Variants in LRRC2 observed in about 807,000 individuals in gnomAD.
LRRC2 encodes leucine-rich repeat-containing protein 2.
LRRC2 carries 27 observed loss-of-function variants against 40.2 expected under a neutral mutation model. The ratio of observed to expected loss-of-function variants is 0.67; its 90% CI spans 0.49 to 0.93. LRRC2 has a LOEUF of 0.93. Ranked by LOEUF, LRRC2 falls within the 40% of genes least tolerant of loss-of-function variation. The pLI is 0.00. For missense variants in LRRC2, 402 were observed against 439.6 expected (o/e 0.91, Z 0.76); for synonymous variants, 147 against 158.9 (o/e 0.92, Z 0.56).
At chr3:46,557,234 C>T (rs1704825382) in intron 1 of LRRC2, among the ~76,000 whole-genome samples, 1 of 152,192 alleles carries the variant, frequency 6.6e-6, no homozygotes, top group African/African-American at 2.4e-5. Flanking sequence ...GATGACATTA[C>T]CTTGTGGAAG....
chr3:46,525,639 A>G (rs975044581), intron 7 of LRRC2, among the ~76,000 whole-genome samples: 1 of 152,122 alleles, frequency 6.6e-6, no homozygotes, highest in Non-Finnish European at 1.5e-5. Context: ...CCTTCCACAT[A>G]TACTGTCAAA....
intron 7 of LRRC2, among the ~76,000 whole-genome samples, chr3:46,527,142 G>A (rs1704073515): frequency 6.6e-6 from 1 of 152,218 alleles, no homozygotes; most frequent in African/African-American, 2.4e-5. Flanking sequence ...GCAGCGATGT[G>A]AGCACTGAGC....
chr3:46,551,997 C>T (rs1444485976), intron 1 of LRRC2, among the ~76,000 whole-genome samples: 1 of 152,030 alleles, frequency 6.6e-6, no homozygotes, highest in Non-Finnish European at 1.5e-5. Flanking sequence ...GACAGGGTCT[C>T]ACTCTATTGC....
intron 1 of LRRC2, among the ~76,000 whole-genome samples, chr3:46,556,609 C>T (rs1300101622): frequency 4.7e-5 from 6 of 126,448 alleles, no homozygotes; most frequent in Admixed American, 9.6e-5. Flanking sequence ...GACAGAGTCT[C>T]GCTCTGTCGC....
chr3:46,545,855 C>A (rs949103199), intron 2 of LRRC2, among the ~76,000 whole-genome samples: 1 of 152,234 alleles, frequency 6.6e-6, no homozygotes, highest in Non-Finnish European at 1.5e-5. Context: ...TGTCTCACAG[C>A]CCTTCAGATG....
At chr3:46,528,197 A>T (rs1216283847) in intron 6 of LRRC2, among the ~76,000 whole-genome samples, 1 of 152,186 alleles carries the variant, frequency 6.6e-6, no homozygotes, top group African/African-American at 2.4e-5. Flanking sequence ...CCGAGAGTCT[A>T]CTGCATTTAC....
intron 4 of LRRC2, 122 bp downstream of exon 4, chr3:46,538,923 G>A (rs1704324940): frequency 8.9e-6 from 10 of 1,118,754 alleles, no homozygotes; most frequent in Non-Finnish European, 1.3e-5. Flanking sequence ...AAACGGCCCT[G>A]CCCAACCACT....
At chr3:46,560,421 A>T (rs1399659970) in intron 1 of LRRC2, among the ~76,000 whole-genome samples, 4 of 152,246 alleles carry the variant, frequency 2.6e-5, no homozygotes. Context: ...ATAGAATGCA[A>T]TGTCCTAAGC....
chr3:46,538,484 T>C (rs1704312502), intron 4 of LRRC2, among the ~76,000 whole-genome samples: 1 of 150,066 alleles, frequency 6.7e-6, no homozygotes, highest in Admixed American at 6.6e-5. Context: ...AAAAAAAAAA[T>C]ACAAAATCAG....
chr3:46,543,570 C>G (rs1704445504), intron 3 of LRRC2, among the ~76,000 whole-genome samples: 1 of 151,514 alleles, frequency 6.6e-6, no homozygotes, highest in South Asian at 2.1e-4. Context: ...GAGCTGAGAT[C>G]GCACCACTGT....
intron 2 of LRRC2, among the ~76,000 whole-genome samples, chr3:46,547,393 T>A (rs1704548548): frequency 6.6e-6 from 1 of 151,862 alleles, no homozygotes; most frequent in Non-Finnish European, 1.5e-5. Context: ...AATTTAAAAA[T>A]ATTGCCAGGT....
At chr3:46,565,684 T>G (rs1457648281) in intron 1 of LRRC2, among the ~76,000 whole-genome samples, 3 of 152,116 alleles carry the variant, frequency 2.0e-5, no homozygotes, top group Admixed American at 6.5e-5. Context: ...CCAGTCACTT[T>G]CCGCCCTTGC....
At chr3:46,540,327 C>A (rs1704359106) in intron 3 of LRRC2, among the ~76,000 whole-genome samples, 1 of 152,118 alleles carries the variant, frequency 6.6e-6, no homozygotes, top group African/African-American at 2.4e-5. Flanking sequence ...GAGTTCGAGA[C>A]CAGCCTGGCC....
chr3:46,521,611 T>C lies in LRRC2; in HGVS notation c.977A>G (p.Asp326Gly). The change falls in exon 8 of 9, where the codon GAT (aspartate) becomes GGT (glycine). Residue 326 changes from aspartate (D) to glycine (G), a missense_variant. Coordinates refer to ENST00000395905, the MANE Select transcript of LRRC2 (RefSeq NM_024512.5). ...TTCACTTTCCATTATTTCATTGCCA[T>C]CTTCACATTGGGCATTATCAATAGG... ...DNPIDNAQCEDGNEIMESERD... is the reference protein window; with the variant it reads ...DNPIDNAQCEGGNEIMESERD... 6.2e-7 allele frequency: 1 copy of C among 1,613,042 alleles called. No individual in the cohort carries two copies. The highest frequency in any genetic ancestry group is 8.5e-7 in the Non-Finnish European group (1 of 1,179,614).
chr3:46,539,773 G>A lies in LRRC2; in HGVS notation c.334-572C>T, dbSNP rs143525451. ...TCTCCACTGCTGAAATGACATTGAT[G>A]AACTCAGTGTCCAAGGCCTCCCCTA... On this transcript the variant is annotated intron_variant, in intron 3 of 8. Coordinates refer to ENST00000395905, the MANE Select transcript of LRRC2 (RefSeq NM_024512.5). 1.7e-3 allele frequency among the ~76,000 whole-genome samples: 252 copies of A among 152,346 alleles called. 3 individuals carry two copies. Among genetic ancestry groups the A allele is most frequent in the Middle Eastern group, 0.01 (3 of 294 alleles).
chr3:46,551,184 C>G (rs1304851718), intron 2 of LRRC2: 1 of 223,150 alleles, frequency 4.5e-6, no homozygotes, highest in African/African-American at 2.3e-5. Flanking sequence ...AGCTAGGCAG[C>G]CTGCTACAGC....
At chr3:46,541,762 C>G (rs6795123) in intron 3 of LRRC2, among the ~76,000 whole-genome samples, 1 of 152,114 alleles carries the variant, frequency 6.6e-6, no homozygotes, top group Non-Finnish European at 1.5e-5. Flanking sequence ...GAACCTTGAC[C>G]CCCATCCATG....
intron 4 of LRRC2, among the ~76,000 whole-genome samples, chr3:46,533,120 G>A (rs1433827193): frequency 1.3e-5 from 2 of 152,204 alleles, no homozygotes; most frequent in Non-Finnish European, 2.9e-5. Context: ...GTTTTTCAGT[G>A]TGATAAGCGT....
At chr3:46,546,356 T>G (rs1704525536) in intron 2 of LRRC2, among the ~76,000 whole-genome samples, 1 of 152,164 alleles carries the variant, frequency 6.6e-6, no homozygotes, top group South Asian at 2.1e-4. Flanking sequence ...TTGGAGTGGT[T>G]AGGAGGGGTC....
Sources: gnomAD v4.1 joint callset for allele counts (sites outside exome capture counted in the v4.1 genomes callset) on GRCh38, gnomAD v4.1.1 for gene constraint, MANE v1.5 for transcripts, NCBI Gene and HGNC (gene_info 2026-07-23, HGNC 2026-07-21) for gene names.